Variants in RPTOR observed in about 807,000 individuals in gnomAD.
RPTOR encodes the protein regulatory associated protein of MTOR complex 1, also known as regulatory-associated protein of mTOR.
RPTOR carries 21 observed loss-of-function variants against 169.9 expected under a neutral mutation model. That is an observed-to-expected ratio of 0.12 (90% CI 0.09 to 0.18). The LOEUF (loss-of-function observed/expected upper bound fraction) is 0.18. RPTOR is among the 10% of genes least tolerant of loss of function. RPTOR has a pLI of 1.00. For missense variants in RPTOR, 1,133 were observed against 1,855.9 expected (o/e 0.61, Z 7.16); for synonymous variants, 732 against 753.2 (o/e 0.97, Z 0.46).
At chr17:80,589,267 G>A (rs1332811894) in intron 1 of RPTOR, among the ~76,000 whole-genome samples, 1 of 152,126 alleles carries the variant, frequency 6.6e-6, no homozygotes, top group Non-Finnish European at 1.5e-5. Flanking sequence ...GTCTTTGCGG[G>A]AACTAAGGGC....
At chr17:80,737,440 G>T (rs2066442677) in intron 5 of RPTOR, among the ~76,000 whole-genome samples, 1 of 152,136 alleles carries the variant, frequency 6.6e-6, no homozygotes, top group South Asian at 2.1e-4. Context: ...GTGCTTTCCG[G>T]CAGGGGGGCG....
intron 20 of RPTOR, among the ~76,000 whole-genome samples, chr17:80,904,398 A>C (rs1025596577): frequency 1.3e-5 from 2 of 151,670 alleles, no homozygotes; most frequent in South Asian, 2.1e-4. Flanking sequence ...CTGCAGGAAG[A>C]CTCTGTCTTC....
chr17:80,607,954 A>G (rs1352466793), intron 1 of RPTOR, among the ~76,000 whole-genome samples: 2 of 152,232 alleles, frequency 1.3e-5, no homozygotes, highest in African/African-American at 4.8e-5. Context: ...AATCCCAAAC[A>G]TACAAATTCA....
intron 3 of RPTOR, among the ~76,000 whole-genome samples, chr17:80,650,561 G>C (rs1419513211): frequency 6.6e-6 from 1 of 152,324 alleles, no homozygotes; most frequent in South Asian, 2.1e-4. Context: ...TTTAGTTCTG[G>C]CTTTGCCACT....
chr17:80,798,913 A>T (rs1051410256), intron 7 of RPTOR, among the ~76,000 whole-genome samples: 9 of 152,190 alleles, frequency 5.9e-5, no homozygotes, highest in Non-Finnish European at 1.5e-5. Flanking sequence ...ACACACCATG[A>T]CTGTCCTCCT....
intron 13 of RPTOR, among the ~76,000 whole-genome samples, chr17:80,874,318 TC>T: frequency 6.6e-6 from 1 of 151,878 alleles, no homozygotes; most frequent in East Asian, 1.9e-4. Flanking sequence ...TGCCTCAGCC[TC>T]CCAAGTAACT....
intron 17 of RPTOR, among the ~76,000 whole-genome samples, chr17:80,891,513 G>A (rs117713965): frequency 0.027 from 4,173 of 152,356 alleles, 86 homozygotes; most frequent in Non-Finnish European, 0.042. Context: ...CTTCCCCCGT[G>A]AGCCAGTGGC....
chr17:80,945,400 G>A (rs965606737), intron 25 of RPTOR, among the ~76,000 whole-genome samples: 2 of 152,112 alleles, frequency 1.3e-5, no homozygotes, highest in Admixed American at 6.6e-5. Context: ...AGACCATCCT[G>A]TCTAACACGG....
At chr17:80,625,955 A>T (rs1208173570) in intron 2 of RPTOR, among the ~76,000 whole-genome samples, 162 bp downstream of exon 2, 1 of 152,224 alleles carries the variant, frequency 6.6e-6, no homozygotes, top group Non-Finnish European at 1.5e-5. Context: ...GTAATTTCCG[A>T]TGCGCTCACC....
chr17:80,859,147 G>A (rs2067889300), intron 13 of RPTOR, among the ~76,000 whole-genome samples: 1 of 152,196 alleles, frequency 6.6e-6, no homozygotes, highest in Admixed American at 6.5e-5. Context: ...GGAGCCCTGT[G>A]CGGCCTAGGA....
chr17:80,958,950 G>C (rs1000033974), intron 29 of RPTOR, among the ~76,000 whole-genome samples: 1 of 152,252 alleles, frequency 6.6e-6, no homozygotes, highest in African/African-American at 2.4e-5. Flanking sequence ...CCCAGGGAGA[G>C]GTGTGGCACA....
chr17:80,681,574 CCTT>C lies in RPTOR; in HGVS notation c.349-26265_349-26263del, dbSNP rs1234091438. ...GTTCAACATTTCTAGTTCTCTTACA[CCTT>C]CATGAGGTGTACGTCTCTTACACCT... On this transcript the variant is annotated intron_variant, in intron 3 of 33. Transcript: ENST00000306801. Among the ~76,000 whole-genome samples, 37 of 142,834 alleles carry C rather than the reference CCTT, an allele frequency of 2.6e-4. 5 individuals are homozygous for C. Among genetic ancestry groups the C allele is most frequent in the African/African-American group, 9.1e-4 (35 of 38,580 alleles). The allele number at this position is 142,834 out of a possible 152,430, so 93.7% of individuals were successfully genotyped here.
chr17:80,928,457 G>A (rs2068838112), intron 24 of RPTOR, among the ~76,000 whole-genome samples: 1 of 152,174 alleles, frequency 6.6e-6, no homozygotes, highest in Non-Finnish European at 1.5e-5. Context: ...ACTGCTTCAA[G>A]GTATATAAGA....
chr17:80,925,286 C>A, intron 23 of RPTOR, 84 bp from the exon 24 acceptor site: 2 of 1,205,744 alleles, frequency 1.7e-6, no homozygotes, highest in Non-Finnish European at 2.4e-6. Flanking sequence ...CCTTTGTCCC[C>A]AGCTGCAGCT....
intron 1 of RPTOR, among the ~76,000 whole-genome samples, chr17:80,574,601 A>G (rs1428274703): frequency 1.3e-5 from 2 of 151,962 alleles, no homozygotes; most frequent in African/African-American, 4.8e-5. Flanking sequence ...AGTCAATGGG[A>G]CTGTAGTAAT....
chr17:80,668,820 C>T (rs6565472), intron 3 of RPTOR, among the ~76,000 whole-genome samples: 29,019 of 152,226 alleles, frequency 0.19, 2,964 homozygotes, highest in East Asian at 0.3. Context: ...GCGGCTTGTC[C>T]GCATTCGGGT....
intron 11 of RPTOR, among the ~76,000 whole-genome samples, chr17:80,848,606 C>T (rs537802195): frequency 2.0e-5 from 3 of 152,366 alleles, no homozygotes; most frequent in African/African-American, 4.8e-5. Flanking sequence ...GTGGCCACAG[C>T]GCAGGTTGCC....
At chr17:80,779,505 G>A (rs990469666) in intron 6 of RPTOR, among the ~76,000 whole-genome samples, 2 of 152,180 alleles carry the variant, frequency 1.3e-5, no homozygotes, top group African/African-American at 2.4e-5. Context: ...GTCACAGGTG[G>A]GGGATAAGAT....
intron 1 of RPTOR, among the ~76,000 whole-genome samples, chr17:80,608,355 T>C (rs760781594): frequency 6.6e-5 from 10 of 152,252 alleles, no homozygotes; most frequent in Non-Finnish European, 1.2e-4. Context: ...CAGAATATTC[T>C]CGAGGTCTTC....
Sources: allele counts gnomAD v4.1 joint callset (sites outside exome capture counted in the v4.1 genomes callset), GRCh38; gene constraint gnomAD v4.1.1; transcripts MANE v1.5; gene names NCBI Gene and HGNC (gene_info 2026-07-23, HGNC 2026-07-21).